TRIM44: variants seen among roughly 807,000 people sequenced by gnomAD.
TRIM44 encodes the protein tripartite motif containing 44, also known as tripartite motif-containing protein 44.
Under a neutral mutation model 37.4 loss-of-function variants are expected in TRIM44, and 13 were observed. That is an observed-to-expected ratio of 0.35 (90% CI 0.23 to 0.55). TRIM44 has a LOEUF of 0.55. TRIM44 is among the 20% of genes least tolerant of loss of function. TRIM44 has a pLI of 0.89. For missense variants in TRIM44, 426 were observed against 437.2 expected (o/e 0.97, Z 0.23); for synonymous variants, 175 against 157.2 (o/e 1.11, Z -0.85).
intron 2 of TRIM44, among the ~76,000 whole-genome samples, chr11:35,719,099 C>T (rs1450272824): frequency 6.6e-6 from 1 of 152,068 alleles, no homozygotes; most frequent in Non-Finnish European, 1.5e-5. Context: ...GGGCAAATAC[C>T]AAGGAGCATG....
rs74477703 is a variant in TRIM44, at chr11:35,768,197, T to C, written c.1007+32752T>C. On this transcript the variant is annotated intron_variant, in intron 4 of 4. Coordinates refer to ENST00000299413, the MANE Select transcript of TRIM44 (RefSeq NM_017583.6). ...TTGGATTCAAACTTTGAGTGTAGACTGTAGAATTGAATTTAAGAAAGTTTT... is the reference window on the plus strand; with the variant it reads ...TTGGATTCAAACTTTGAGTGTAGACCGTAGAATTGAATTTAAGAAAGTTTT... Among the ~76,000 whole-genome samples the C allele has an allele frequency of 7.6e-3, 1,160 of 152,332 alleles. 2 individuals are homozygous for C. The highest frequency in any genetic ancestry group is 0.012 in the Non-Finnish European group (846 of 68,014).
At chr11:35,749,704 A>G (rs1852538382) in intron 4 of TRIM44, among the ~76,000 whole-genome samples, 3 of 152,232 alleles carry the variant, frequency 2.0e-5, no homozygotes, top group Admixed American at 2.0e-4. Context: ...ACAGAGCAGT[A>G]GAGGTTGATA....
intron 2 of TRIM44, among the ~76,000 whole-genome samples, chr11:35,696,907 C>A (rs1258015137): frequency 6.6e-6 from 1 of 151,716 alleles, no homozygotes; most frequent in Non-Finnish European, 1.5e-5. Context: ...AAAAATGTTT[C>A]ATTATCTTTT....
intron 2 of TRIM44, among the ~76,000 whole-genome samples, chr11:35,706,281 A>G (rs934002408): frequency 2.0e-5 from 3 of 151,098 alleles, no homozygotes; most frequent in Non-Finnish European, 4.5e-5. Flanking sequence ...TAGCTTACCA[A>G]CCAAAAAGAG....
chr11:35,708,672 A>C (rs1030544236), intron 2 of TRIM44, among the ~76,000 whole-genome samples: 1 of 151,718 alleles, frequency 6.6e-6, no homozygotes, highest in Admixed American at 6.6e-5. Flanking sequence ...CAAAAAACCA[A>C]ACACTGCATA....
intron 2 of TRIM44, among the ~76,000 whole-genome samples, chr11:35,706,947 C>T (rs1851893586): frequency 6.6e-6 from 1 of 151,024 alleles, no homozygotes; most frequent in African/African-American, 2.4e-5. Context: ...AAAGGGTATT[C>T]AATTAGGAAA....
chr11:35,775,997 A>G (rs1181215260), intron 4 of TRIM44, among the ~76,000 whole-genome samples: 1 of 152,166 alleles, frequency 6.6e-6, no homozygotes, highest in East Asian at 1.9e-4. Flanking sequence ...AATGAGTTAG[A>G]GAGGATTCCC....
chr11:35,678,811 GCTGGTCTCAAACT>G (rs1423946642), intron 1 of TRIM44, among the ~76,000 whole-genome samples: 1 of 152,026 alleles, frequency 6.6e-6, no homozygotes, highest in African/African-American at 2.4e-5. Flanking sequence ...TCTTGGCCAG[GCTGGTCTCAAACT>G]CCTGGCCTCA....
chr11:35,758,489 G>T lies in TRIM44; in HGVS notation c.1007+23044G>T, dbSNP rs564374797. Among the ~76,000 whole-genome samples, 3 of 152,202 alleles carry T rather than the reference G, an allele frequency of 2.0e-5. No homozygotes were observed. The South Asian group carries it at 6.2e-4, about 32-fold the overall frequency. ...CTGTGTCTTTTAATTGGAGCATTTA[G>T]CCCATTTACATTTAAGATTAATATT... On this transcript the variant is annotated intron_variant, in intron 4 of 4. Transcript: ENST00000299413.
chr11:35,704,024 C>T (rs1239369719), intron 2 of TRIM44, among the ~76,000 whole-genome samples: 2 of 151,862 alleles, frequency 1.3e-5, no homozygotes, highest in Admixed American at 6.6e-5. Context: ...AAAATTTAGA[C>T]GAATGTATAA....
chr11:35,760,970 G>A (rs1483490267), intron 4 of TRIM44, among the ~76,000 whole-genome samples: 1 of 152,068 alleles, frequency 6.6e-6, no homozygotes, highest in Non-Finnish European at 1.5e-5. Flanking sequence ...CCCAGCCTCT[G>A]GTAACTATCA....
chr11:35,762,215 T>C (rs1852739787), intron 4 of TRIM44, among the ~76,000 whole-genome samples: 1 of 152,256 alleles, frequency 6.6e-6, no homozygotes, highest in Admixed American at 6.5e-5. Flanking sequence ...TGCTAACTCC[T>C]GCTTTTCCAA....
In TRIM44 at chr11:35,811,711, T is replaced by C. The variant is rs1261870359; in HGVS notation, c.*5326T>C. ...GCCTAAATGCATTAAAATTTAATGT[T>C]TAAAAATCCTAAAACCCACCAGCAG... On this transcript the variant is annotated 3_prime_UTR_variant, in exon 5 of 5. Coordinates refer to ENST00000299413, the MANE Select transcript of TRIM44 (RefSeq NM_017583.6). The C allele has an allele frequency of 6.6e-6, 1 of 152,184 alleles. No individual in the cohort carries two copies. Among genetic ancestry groups the C allele is most frequent in the African/African-American group, 2.4e-5 (1 of 41,450 alleles). The allele number at this position is 152,184 out of a possible 1,614,324, so 9.4% of individuals were successfully genotyped here. A position where few individuals can be genotyped will look rare whatever the true frequency, so the allele number is the denominator to read the frequency against.
chr11:35,682,385 G>C (rs1268413431), intron 1 of TRIM44, among the ~76,000 whole-genome samples: 1 of 152,162 alleles, frequency 6.6e-6, no homozygotes, highest in Non-Finnish European at 1.5e-5. Context: ...GAAGGGACTG[G>C]AATGTGGGGA....
chr11:35,803,701 A>G (rs912171078), intron 4 of TRIM44, among the ~76,000 whole-genome samples: 1 of 152,212 alleles, frequency 6.6e-6, no homozygotes, highest in Non-Finnish European at 1.5e-5. Flanking sequence ...AGCCTGGGTG[A>G]TAGAGCAAGA....
intron 4 of TRIM44, among the ~76,000 whole-genome samples, chr11:35,751,181 A>G (rs940012802): frequency 2.6e-5 from 4 of 152,224 alleles, no homozygotes; most frequent in Non-Finnish European, 4.4e-5. Flanking sequence ...AGCAATGCAG[A>G]ACAATTACAT....
At chr11:35,790,067 T>C (rs1386429110) in intron 4 of TRIM44, among the ~76,000 whole-genome samples, 1 of 152,150 alleles carries the variant, frequency 6.6e-6, no homozygotes, top group Non-Finnish European at 1.5e-5. Flanking sequence ...ATAATCCTTA[T>C]TTGCTTCTTT....
intron 4 of TRIM44, among the ~76,000 whole-genome samples, chr11:35,743,308 T>G (rs1399018374): frequency 6.6e-6 from 1 of 152,158 alleles, no homozygotes; most frequent in East Asian, 1.9e-4. Flanking sequence ...GTTGTTACTG[T>G]TTTCTGTTAC....
chr11:35,777,363 TGGGTCTCCTGAATACAGCAC>T lies in TRIM44; in HGVS notation c.1008-28994_1008-28975del, dbSNP rs1206390157. On this transcript the variant is annotated intron_variant, in intron 4 of 4. Coordinates refer to ENST00000299413, the MANE Select transcript of TRIM44 (RefSeq NM_017583.6). ...CCTATGTGTGTCTCTGCATGTGAGA[TGGGTCTCCTGAATACAGCAC>T]ACTGATGGGTCTTGACTCTATCCAG... Among the ~76,000 whole-genome samples, 6 of 152,320 alleles carry T rather than the reference TGGGTCTCCTGAATACAGCAC, an allele frequency of 3.9e-5. No individual in the cohort carries two copies. The East Asian group carries it at 1.2e-3, about 29-fold the overall frequency.
Sources: gnomAD v4.1 joint callset for allele counts (sites outside exome capture counted in the v4.1 genomes callset) on GRCh38, gnomAD v4.1.1 for gene constraint, MANE v1.5 for transcripts, NCBI Gene and HGNC (gene_info 2026-07-23, HGNC 2026-07-21) for gene names.